The following SLC1A1 variants were observed in gnomAD, a reference collection of about 807,000 sequenced individuals.
The protein encoded by SLC1A1 is excitatory amino acid transporter 3.
SLC1A1 carries 43 observed loss-of-function variants against 53.3 expected under a neutral mutation model. That is an observed-to-expected ratio of 0.81 (90% CI 0.63 to 1.04). The LOEUF (loss-of-function observed/expected upper bound fraction) is 1.04. Ranked by LOEUF, SLC1A1 falls within the 50% of genes least tolerant of loss-of-function variation. The probability of loss-of-function intolerance (pLI) is 0.00; values close to 1 mark genes in which losing one functional copy is unlikely to be tolerated. For synonymous variants in SLC1A1, 307 were observed against 243.2 expected, an observed-to-expected ratio of 1.26 and a Z score of -2.44; for missense variants, 748 against 664.9, an observed-to-expected ratio of 1.12 and a Z score of -1.37.
chr9:4,574,853 G>T (rs960030641), intron 8 of SLC1A1, among the ~76,000 whole-genome samples: 1 of 152,174 alleles, frequency 6.6e-6, no homozygotes, highest in Non-Finnish European at 1.5e-5. Context: ...CCAACACAGC[G>T]CATTTGGTTC....
At chr9:4,547,820 T>C (rs1318390259) in intron 2 of SLC1A1, among the ~76,000 whole-genome samples, 2 of 150,558 alleles carry the variant, frequency 1.3e-5, no homozygotes, top group East Asian at 3.9e-4. Context: ...TATGTATACA[T>C]AGTATACAAA....
intron 11 of SLC1A1, among the ~76,000 whole-genome samples, 154 bp from the exon 12 acceptor site, chr9:4,585,158 G>C (rs1023875684): frequency 1.3e-5 from 2 of 152,146 alleles, no homozygotes; most frequent in African/African-American, 4.8e-5. Flanking sequence ...AACAACCCCA[G>C]GCCTGTGAGG....
At chr9:4,502,409 A>AAAAAAAAAAAAAAAAC (rs1375024114) in intron 1 of SLC1A1, among the ~76,000 whole-genome samples, 1 of 150,568 alleles carries the variant, frequency 6.6e-6, no homozygotes, top group African/African-American at 2.5e-5. Context: ...AAAAAAAAAA[A>AAAAAAAAAAAAAAAAC]AAAAAGATTC....
intron 1 of SLC1A1, among the ~76,000 whole-genome samples, chr9:4,494,661 T>C (rs555140347): frequency 3.0e-4 from 46 of 151,072 alleles, no homozygotes; most frequent in African/African-American, 1.1e-3. Context: ...ATATAATTTA[T>C]ATAAATATAA....
chr9:4,577,592 C>T (rs896355471), intron 10 of SLC1A1, among the ~76,000 whole-genome samples: 11 of 152,220 alleles, frequency 7.2e-5, no homozygotes, highest in African/African-American at 2.7e-4. Context: ...TCTCCTGCCT[C>T]AGCCTCCTGA....
chr9:4,572,763 G>T (rs1035013463), intron 7 of SLC1A1, among the ~76,000 whole-genome samples: 1 of 152,106 alleles, frequency 6.6e-6, no homozygotes, highest in Non-Finnish European at 1.5e-5. Flanking sequence ...TGCCCAGGCT[G>T]ATCTCAAACT....
At chr9:4,531,474 G>C (rs1816466724) in intron 1 of SLC1A1, among the ~76,000 whole-genome samples, 1 of 152,188 alleles carries the variant, frequency 6.6e-6, no homozygotes, top group Admixed American at 6.5e-5. Flanking sequence ...ACAGCAGTCT[G>C]AGATCAAACT....
intron 2 of SLC1A1, among the ~76,000 whole-genome samples, chr9:4,555,734 C>A (rs1818313323): frequency 2.6e-5 from 4 of 152,144 alleles, no homozygotes; most frequent in Non-Finnish European, 5.9e-5. Flanking sequence ...CTTTTTCTGC[C>A]CAATTCAGGT....
At chr9:4,498,330 T>C (rs1483252822) in intron 1 of SLC1A1, among the ~76,000 whole-genome samples, 5 of 152,222 alleles carry the variant, frequency 3.3e-5, no homozygotes, top group Non-Finnish European at 7.3e-5. Flanking sequence ...GTCAGTATTA[T>C]TAGATGGTTT....
intron 6 of SLC1A1, among the ~76,000 whole-genome samples, chr9:4,571,584 G>A (rs1423891841): frequency 6.6e-6 from 1 of 152,132 alleles, no homozygotes; most frequent in Non-Finnish European, 1.5e-5. Context: ...GGCTGAGGCA[G>A]GAGAATTGCT....
rs1387224260 is a variant in SLC1A1, at chr9:4,556,184, T to G, written c.233-5265T>G. On this transcript the variant is annotated intron_variant, in intron 2 of 11. Coordinates refer to ENST00000262352, the MANE Select transcript of SLC1A1 (RefSeq NM_004170.6). This position sits in a 1 kb window ranked among gnomAD's most constrained non-coding sequence, Gnocchi z 4.1. ...GTGTGTGTGTGTGGTTTTGTTTTTG[T>G]TTTTTTGTTTTTTTAAGTAGAGATG... Among the ~76,000 whole-genome samples, 1 of 151,960 alleles carries G rather than the reference T, an allele frequency of 6.6e-6. No individual in the cohort carries two copies. Among genetic ancestry groups the G allele is most frequent in the Non-Finnish European group, 1.5e-5 (1 of 68,006 alleles).
At chr9:4,552,126 T>TA (rs1039175002) in intron 2 of SLC1A1, among the ~76,000 whole-genome samples, 4 of 152,222 alleles carry the variant, frequency 2.6e-5, no homozygotes, top group African/African-American at 9.6e-5. Context: ...TTTGATTACT[T>TA]AAAAAGGGAT....
chr9:4,541,830 T>G (rs1427029046), intron 1 of SLC1A1, among the ~76,000 whole-genome samples: 1 of 152,212 alleles, frequency 6.6e-6, no homozygotes, highest in Non-Finnish European at 1.5e-5. Context: ...GGGCAGTTAT[T>G]CCTAGCAGCC....
intron 6 of SLC1A1, among the ~76,000 whole-genome samples, chr9:4,568,525 G>A (rs1001305559): frequency 1.3e-5 from 2 of 151,582 alleles, no homozygotes; most frequent in Non-Finnish European, 2.9e-5. Flanking sequence ...GTTTGAGACC[G>A]GCCTGGGAAA....
chr9:4,569,304 G>A (rs1421078376), intron 6 of SLC1A1, among the ~76,000 whole-genome samples: 1 of 152,176 alleles, frequency 6.6e-6, no homozygotes, highest in Non-Finnish European at 1.5e-5. Flanking sequence ...TTATAAGTGG[G>A]ATGGGCAACA....
At chr9:4,526,579 C>G (rs973991224) in intron 1 of SLC1A1, among the ~76,000 whole-genome samples, 1 of 152,138 alleles carries the variant, frequency 6.6e-6, no homozygotes, top group Admixed American at 6.5e-5. Flanking sequence ...AAAAAAAGAT[C>G]TGTGGAGGAT....
chr9:4,507,411 C>T (rs1820843062), intron 1 of SLC1A1, among the ~76,000 whole-genome samples: 1 of 152,144 alleles, frequency 6.6e-6, no homozygotes, highest in African/African-American at 2.4e-5. Context: ...AGCTGATCCA[C>T]ATGGAGTTAC....
intron 1 of SLC1A1, among the ~76,000 whole-genome samples, chr9:4,529,481 A>T (rs1245698203): frequency 6.6e-6 from 1 of 152,124 alleles, no homozygotes; most frequent in African/African-American, 2.4e-5. Flanking sequence ...AGGGCAGGGG[A>T]CATGCATCCA....
intron 1 of SLC1A1, among the ~76,000 whole-genome samples, chr9:4,505,149 C>T (rs900322910): frequency 2.7e-5 from 4 of 146,294 alleles, no homozygotes; most frequent in African/African-American, 5.0e-5. Context: ...CAGGTTCAAG[C>T]GATTCTCCTG....
Sources: gnomAD v4.1 joint callset for allele counts (sites outside exome capture counted in the v4.1 genomes callset) on GRCh38, gnomAD v4.1.1 for gene constraint, Gnocchi (gnomAD v3.1) non-coding constraint, MANE v1.5 for transcripts, NCBI Gene and HGNC (gene_info 2026-07-23, HGNC 2026-07-21) for gene names.